EXOC6B: variants seen among roughly 807,000 people sequenced by gnomAD.
EXOC6B encodes the protein exocyst complex component 6B.
A neutral mutation model predicts 113.5 loss-of-function variants in EXOC6B; 54 were observed. The ratio of observed to expected loss-of-function variants is 0.48; its 90% CI spans 0.38 to 0.60. The LOEUF (loss-of-function observed/expected upper bound fraction) is 0.60. Among genes scored for constraint, EXOC6B ranks in the 20% least tolerant of loss-of-function variants. The pLI is 0.00. For missense variants in EXOC6B, 797 were observed against 977.5 expected, an observed-to-expected ratio of 0.82 and a Z score of 2.46; for synonymous variants, 357 against 339.0, an observed-to-expected ratio of 1.05 and a Z score of -0.58.
intron 6 of EXOC6B, among the ~76,000 whole-genome samples, chr2:72,707,216 G>A (rs2104669447): frequency 6.6e-6 from 1 of 152,210 alleles, no homozygotes; most frequent in East Asian, 1.9e-4. Context: ...AATTTGTAAT[G>A]CAGAAATAGT....
At chr2:72,336,936 G>A (rs1688725187) in intron 19 of EXOC6B, among the ~76,000 whole-genome samples, 1 of 151,838 alleles carries the variant, frequency 6.6e-6, no homozygotes, top group South Asian at 2.1e-4. Context: ...GTACCTGGGA[G>A]GTGGAGGTTG....
At chr2:72,224,288 T>C (rs975164683) in intron 20 of EXOC6B, among the ~76,000 whole-genome samples, 2 of 152,190 alleles carry the variant, frequency 1.3e-5, no homozygotes, top group African/African-American at 4.8e-5. Context: ...AATAGCACGA[T>C]GACAAATCAT....
intron 18 of EXOC6B, among the ~76,000 whole-genome samples, chr2:72,389,056 T>C (rs903402084): frequency 6.6e-6 from 1 of 152,166 alleles, no homozygotes; most frequent in South Asian, 2.1e-4. Context: ...TTATACTTAA[T>C]ATAATTCACA....
At chr2:72,299,961 C>T (rs1285193550) in intron 20 of EXOC6B, among the ~76,000 whole-genome samples, 1 of 152,122 alleles carries the variant, frequency 6.6e-6, no homozygotes, top group African/African-American at 2.4e-5. Context: ...TCTGTTGGCC[C>T]CTAGTGGGAG....
chr2:72,646,754 T>G (rs1161317790), intron 6 of EXOC6B, among the ~76,000 whole-genome samples: 1 of 152,218 alleles, frequency 6.6e-6, no homozygotes, highest in Admixed American at 6.5e-5. Context: ...TCAACAGCCC[T>G]TTATGATAAA....
chr2:72,671,628 G>A (rs1234842365), intron 6 of EXOC6B, among the ~76,000 whole-genome samples: 1 of 151,948 alleles, frequency 6.6e-6, no homozygotes, highest in African/African-American at 2.4e-5. Flanking sequence ...AACCCGGGAG[G>A]TGGAGGTTGC....
intron 1 of EXOC6B, among the ~76,000 whole-genome samples, chr2:72,797,087 T>C (rs1350749894): frequency 1.3e-5 from 2 of 152,166 alleles, no homozygotes; most frequent in African/African-American, 4.8e-5. Context: ...ATGGGAGTCA[T>C]AGGAATTGGG....
Position 72,499,596 on chromosome 2 carries a change from T to C in EXOC6B, c.1239+305A>G, listed in dbSNP as rs141661252. 1.3e-3 allele frequency among the ~76,000 whole-genome samples: 191 copies of C among 150,988 alleles called. 1 individual carries two copies. The highest frequency in any genetic ancestry group is 4.4e-3 in the African/African-American group (181 of 40,932). ...ATGCAGGAGTGCAGTGGCGAGATCA[T>C]AGCTTGCCACAGGCTTGGACTCCTA... On this transcript the variant is annotated intron_variant, in intron 12 of 21. Coordinates refer to ENST00000272427, the MANE Select transcript of EXOC6B (RefSeq NM_015189.3).
At chr2:72,759,556 C>A (rs938206791) in intron 1 of EXOC6B, among the ~76,000 whole-genome samples, 2 of 152,168 alleles carry the variant, frequency 1.3e-5, no homozygotes, top group Admixed American at 1.3e-4. Context: ...GCCATTTCAA[C>A]TTTTCATTTC....
At chr2:72,195,644 C>T (rs2104304230) in intron 20 of EXOC6B, among the ~76,000 whole-genome samples, 1 of 152,186 alleles carries the variant, frequency 6.6e-6, no homozygotes, top group East Asian at 1.9e-4. Flanking sequence ...AAATAAAATC[C>T]CTGCAAAGAG....
intron 20 of EXOC6B, among the ~76,000 whole-genome samples, chr2:72,300,502 G>A (rs957537925): frequency 6.6e-6 from 1 of 152,316 alleles, no homozygotes; most frequent in Non-Finnish European, 1.5e-5. Flanking sequence ...TGGCTGCCTG[G>A]CTTCAGCCTC....
intron 20 of EXOC6B, among the ~76,000 whole-genome samples, chr2:72,317,559 T>TCTCACA (rs1444775402): frequency 1.4e-5 from 2 of 140,600 alleles, no homozygotes; most frequent in African/African-American, 2.6e-5. Context: ...TATGAACACA[T>TCTCACA]CACACACACA....
chr2:72,627,311 A>G lies in EXOC6B; in HGVS notation c.670-51643T>C, dbSNP rs140072568. On this transcript the variant is annotated intron_variant, in intron 6 of 21. Transcript: ENST00000272427. Reference sequence around the variant, plus strand: ...GTTGAGTCTAAGACTTTGCAAATGTACATATTAAAAACACTCTGCATTTCA... The same window carrying G: ...GTTGAGTCTAAGACTTTGCAAATGTGCATATTAAAAACACTCTGCATTTCA... Among the ~76,000 whole-genome samples the G allele has an allele frequency of 3.3e-3, 501 of 152,300 alleles. 3 individuals are homozygous for G. Among genetic ancestry groups the G allele is most frequent in the Non-Finnish European group, 5.2e-3 (351 of 68,018 alleles).
intron 1 of EXOC6B, among the ~76,000 whole-genome samples, chr2:72,819,199 A>G (rs1686447600): frequency 6.6e-6 from 1 of 152,206 alleles, no homozygotes; most frequent in African/African-American, 2.4e-5. Flanking sequence ...TAACTGAAAA[A>G]GCAAGACACA....
chr2:72,580,591 G>T (rs1038401384), intron 6 of EXOC6B, among the ~76,000 whole-genome samples: 1 of 152,072 alleles, frequency 6.6e-6, no homozygotes, highest in Non-Finnish European at 1.5e-5. Flanking sequence ...GGACACCATT[G>T]GTGCTCCACT....
chr2:72,699,197 T>C (rs966882724), intron 6 of EXOC6B, among the ~76,000 whole-genome samples: 1 of 152,116 alleles, frequency 6.6e-6, no homozygotes, highest in Non-Finnish European at 1.5e-5. Flanking sequence ...AAGTCAAACA[T>C]GGCCGGGCGC....
intron 6 of EXOC6B, among the ~76,000 whole-genome samples, chr2:72,590,275 CA>C (rs1705853870): frequency 6.6e-6 from 1 of 151,696 alleles, no homozygotes; most frequent in South Asian, 2.1e-4. Flanking sequence ...CTACTGGTAA[CA>C]AAGCAAATCT....
At chr2:72,780,329 T>C (rs1019606993) in intron 1 of EXOC6B, among the ~76,000 whole-genome samples, 1 of 152,174 alleles carries the variant, frequency 6.6e-6, no homozygotes, top group Non-Finnish European at 1.5e-5. Flanking sequence ...CAAGAAATCA[T>C]TCCTCTCAGC....
intron 20 of EXOC6B, among the ~76,000 whole-genome samples, chr2:72,252,967 C>T (rs1384451632): frequency 6.6e-6 from 1 of 151,918 alleles, no homozygotes; most frequent in Non-Finnish European, 1.5e-5. Context: ...AATGGTGAAC[C>T]TCAAAAAAAA....
Sources: gnomAD v4.1 joint callset for allele counts (sites outside exome capture counted in the v4.1 genomes callset) on GRCh38, gnomAD v4.1.1 for gene constraint, MANE v1.5 for transcripts, NCBI Gene and HGNC (gene_info 2026-07-23, HGNC 2026-07-21) for gene names.